NUP50: variants seen among roughly 807,000 people sequenced by gnomAD.
The protein encoded by NUP50 is nuclear pore complex protein Nup50.
A neutral mutation model predicts 36.8 loss-of-function variants in NUP50; 14 were observed. The ratio of observed to expected loss-of-function variants is 0.38; its 90% CI spans 0.25 to 0.59. The LOEUF (loss-of-function observed/expected upper bound fraction) is 0.59. Among genes scored for constraint, NUP50 ranks in the 20% least tolerant of loss-of-function variants. The pLI, the probability that NUP50 is intolerant of heterozygous loss-of-function variation, is 0.63. For synonymous variants in NUP50, 195 were observed against 210.8 expected, an observed-to-expected ratio of 0.93 and a Z score of 0.65; for missense variants, 455 against 564.6, an observed-to-expected ratio of 0.81 and a Z score of 1.97.
chr22:45,171,488 T>C, intron 2 of NUP50, 112 bp from the exon 3 acceptor site: 3 of 1,064,868 alleles, frequency 2.8e-6, no homozygotes, highest in Non-Finnish European at 4.2e-6. Context: ...GGCCAAAATT[T>C]ATTTTTGAGA....
At chr22:45,170,729 T>C (rs1393600354) in intron 2 of NUP50, among the ~76,000 whole-genome samples, 1 of 152,178 alleles carries the variant, frequency 6.6e-6, no homozygotes, top group Non-Finnish European at 1.5e-5. Flanking sequence ...ACAGTTACAT[T>C]CTGGGCTATA....
chr22:45,168,898 A>AATTT (rs569292072), intron 2 of NUP50, among the ~76,000 whole-genome samples: 4 of 132,008 alleles, frequency 3.0e-5, no homozygotes, highest in African/African-American at 1.2e-4. Flanking sequence ...TATAAAAAAA[A>AATTT]TTTTTTTTTT....
chr22:45,183,575 G>A (rs775684635), intron 7 of NUP50, 55 bp downstream of exon 7: 7 of 1,102,800 alleles, frequency 6.3e-6, no homozygotes, highest in East Asian at 2.4e-5. Flanking sequence ...ATATAAAAGC[G>A]TTTACCCTGC....
intron 7 of NUP50, chr22:45,183,960 G>A (rs1185608151): frequency 6.8e-5 from 14 of 206,474 alleles, no homozygotes; most frequent in Non-Finnish European, 1.4e-4. Flanking sequence ...AGTAGTGGTA[G>A]AGAACAGGGG....
intron 6 of NUP50, among the ~76,000 whole-genome samples, chr22:45,182,432 A>T (rs181998593): frequency 6.6e-6 from 1 of 152,236 alleles, no homozygotes; most frequent in East Asian, 1.9e-4. Flanking sequence ...ACAGAGTAAG[A>T]CTGTCTCAAA....
intron 5 of NUP50, among the ~76,000 whole-genome samples, chr22:45,180,557 A>G (rs999920840): frequency 2.0e-5 from 3 of 152,092 alleles, no homozygotes; most frequent in Non-Finnish European, 4.4e-5. Flanking sequence ...TATTTTTTGT[A>G]GAGATGGGGG....
chr22:45,184,616 C>T lies in NUP50; in HGVS notation c.1368C>T (p.Asp456=), dbSNP rs61738579. 45 of 1,612,966 alleles carry T rather than the reference C, an allele frequency of 2.8e-5. No homozygotes were observed. In the African/African-American group the frequency reaches 2.9e-4, roughly 11 times the overall value. ...GGGTAAAAACCAGCGAGGATGCAGA[C>T]GAGTTGCACAAAATTTTACTGGAGA... The part of the protein sequence containing the change: ...LIRVKTSEDA[D]ELHKILLEKK... Residue 456 remains aspartate (D), a synonymous_variant, in exon 8 of 8, where the codon GAC becomes GAT. Coordinates refer to ENST00000347635, the MANE Select transcript of NUP50 (RefSeq NM_007172.4).
intron 7 of NUP50, 36 bp from the exon 8 acceptor site, chr22:45,184,417 C>G (rs1368274996): frequency 6.3e-7 from 1 of 1,587,222 alleles, no homozygotes; most frequent in Non-Finnish European, 8.7e-7. Flanking sequence ...GCTATAGCTT[C>G]TATAATTTTG....
intron 1 of NUP50, among the ~76,000 whole-genome samples, chr22:45,167,030 G>A (rs2138155): frequency 6.6e-6 from 1 of 152,140 alleles, no homozygotes; most frequent in Non-Finnish European, 1.5e-5. Flanking sequence ...TTTACTTTTA[G>A]ATACTAAAGA....
At chr22:45,177,858 G>A in intron 4 of NUP50, 1 of 191,420 alleles carries the variant, frequency 5.2e-6, no homozygotes, top group South Asian at 1.0e-4. Context: ...GTCGGGCGCA[G>A]TGGCTCACGC....
chr22:45,170,113 C>T (rs2074163291), intron 2 of NUP50, among the ~76,000 whole-genome samples: 1 of 152,192 alleles, frequency 6.6e-6, no homozygotes, highest in Non-Finnish European at 1.5e-5. Context: ...GCCCCTGTCC[C>T]ATGATCACGT....
rs1324988957 is a variant in NUP50 at position 45,184,687 on chromosome 22, A to C, written c.*32A>C. 3 of 1,356,074 alleles carry C rather than the reference A, an allele frequency of 2.2e-6. No homozygotes were observed. The South Asian group carries it at 3.8e-5, about 17-fold the overall frequency. 84.0% of individuals were successfully genotyped at this position (1,356,074 alleles called of 1,614,324 possible). On this transcript the variant is annotated 3_prime_UTR_variant, in exon 8 of 8. Coordinates refer to ENST00000347635, the MANE Select transcript of NUP50 (RefSeq NM_007172.4). ...AAAGTCGGCTGCAGAATTATTGCCAAGTTGCTGCTGCTTCCACCGCCCCTT... is the reference window on the plus strand; with the variant it reads ...AAAGTCGGCTGCAGAATTATTGCCACGTTGCTGCTGCTTCCACCGCCCCTT...
At chr22:45,171,735 T>TTGCTG in intron 3 of NUP50, 52 bp downstream of exon 3, 22 of 1,441,224 alleles carry the variant, frequency 1.5e-5, no homozygotes, top group Non-Finnish European at 2.0e-5. Flanking sequence ...GATTTCTGGG[T>TTGCTG]TGCACAGCAA....
chr22:45,175,302 C>G (rs992180535), intron 3 of NUP50, among the ~76,000 whole-genome samples: 1 of 152,078 alleles, frequency 6.6e-6, no homozygotes, highest in Non-Finnish European at 1.5e-5. Context: ...TTAAAACAAT[C>G]GAGTTTAAGG....
At chr22:45,168,425 T>C (rs2147666327) in intron 2 of NUP50, among the ~76,000 whole-genome samples, 179 bp downstream of exon 2, 1 of 152,050 alleles carries the variant, frequency 6.6e-6, no homozygotes, top group South Asian at 2.1e-4. Flanking sequence ...ATTACATTTC[T>C]GTGACCTCTA....
At chr22:45,175,834 C>T in intron 3 of NUP50, 60 bp from the exon 4 acceptor site, 1 of 1,565,680 alleles carries the variant, frequency 6.4e-7, no homozygotes, top group East Asian at 2.2e-5. Flanking sequence ...TTGTCACTCA[C>T]TTGCTTTTTG....
intron 5 of NUP50, chr22:45,179,252 C>T (rs941001400): frequency 1.4e-5 from 3 of 208,456 alleles, no homozygotes; most frequent in East Asian, 2.4e-4. Flanking sequence ...TCATGAATGT[C>T]CCCTGAATTG....
Position 45,168,233 on chromosome 22 carries a change from A to T in NUP50, c.56A>T (p.Asp19Val). 6.2e-7 allele frequency: 1 copy of T among 1,610,730 alleles called. No individual in the cohort carries two copies. Among genetic ancestry groups the T allele is most frequent in the Non-Finnish European group, 8.5e-7 (1 of 1,178,936 alleles). The change falls in exon 2 of 8, where the codon GAT (aspartate) becomes GTT (valine). Residue 19 changes from aspartate to valine, a missense_variant. Physicochemically the swap from Asp to Val is radical, Grantham distance 152. Around this residue, in one of 3 missense-constraint regions of NUP50, gnomAD observed 166 missense variants for 202.8 expected, o/e 0.82. Transcript: ENST00000347635. ...ELTDRNWDQE[D>V]EAEEVGTFSM... ...ACAGATAGGAATTGGGATCAAGAAG[A>T]TGAAGCTGAAGAGGTAAAAAGCAGC...
chr22:45,168,898 A>AAAT (rs569292072), intron 2 of NUP50, among the ~76,000 whole-genome samples: 2 of 132,010 alleles, frequency 1.5e-5, no homozygotes, highest in South Asian at 4.7e-4. Context: ...TATAAAAAAA[A>AAAT]TTTTTTTTTT....
Sources: allele counts gnomAD v4.1 joint callset (sites outside exome capture counted in the v4.1 genomes callset), GRCh38; gene constraint gnomAD v4.1.1; regional missense constraint gnomAD v4.1.1; transcripts MANE v1.5; gene names NCBI Gene and HGNC (gene_info 2026-07-23, HGNC 2026-07-21).